TDP1: variants seen among roughly 807,000 people sequenced by gnomAD.
The protein encoded by TDP1 is tyrosyl-DNA phosphodiesterase 1, also known as tyr-DNA phosphodiesterase 1.
TDP1 carries 64 observed loss-of-function variants against 81.5 expected under a neutral mutation model. The ratio of observed to expected loss-of-function variants is 0.79; its 90% confidence interval spans 0.64 to 0.97. TDP1 has a LOEUF of 0.97. Among genes scored for constraint, TDP1 ranks in the 50% least tolerant of loss-of-function variants. The pLI is 0.00. For missense variants in TDP1, 723 were observed against 743.8 expected (o/e 0.97, Z 0.33); for synonymous variants, 256 against 264.3 (o/e 0.97, Z 0.30).
At position 89,963,261 on chromosome 14, in the gene TDP1, C is replaced by T. The variant is rs761583949; in HGVS notation, c.147C>T (p.Ser49=). Reference sequence around the variant, plus strand: ...CAAATGAGCCCAGGTACACCTGTTCCGAGGCCCAGAAAGCTGCACACAAGA... The same window carrying T: ...CAAATGAGCCCAGGTACACCTGTTCTGAGGCCCAGAAAGCTGCACACAAGA... ...GAANEPRYTC[S]EAQKAAHKRK... Residue 49 remains serine (S), a synonymous_variant, in exon 3 of 17, where the codon TCC becomes TCT. Coordinates refer to ENST00000335725, the MANE Select transcript of TDP1 (RefSeq NM_018319.4). 15 of 1,613,958 alleles carry T rather than the reference C, an allele frequency of 9.3e-6. No homozygotes were observed. Among genetic ancestry groups the T allele is most frequent in the Admixed American group, 3.3e-5 (2 of 59,986 alleles).
chr14:90,012,391 G>A (rs1425175975), intron 14 of TDP1, among the ~76,000 whole-genome samples: 1 of 151,902 alleles, frequency 6.6e-6, no homozygotes, highest in Non-Finnish European at 1.5e-5. Flanking sequence ...CACAGCTCCA[G>A]TAGGCAGTGC....
intron 6 of TDP1, among the ~76,000 whole-genome samples, chr14:89,973,762 CTT>C (rs1893925118): frequency 6.6e-6 from 1 of 152,052 alleles, no homozygotes; most frequent in Non-Finnish European, 1.5e-5. Flanking sequence ...ACCTGGGTGA[CTT>C]TTCTTGGACT....
chr14:89,978,644 A>C (rs531431460), intron 7 of TDP1, among the ~76,000 whole-genome samples: 4 of 152,244 alleles, frequency 2.6e-5, no homozygotes, highest in Admixed American at 6.5e-5. Flanking sequence ...TCTCAAGTTC[A>C]TAATTCTATT....
intron 14 of TDP1, among the ~76,000 whole-genome samples, chr14:90,015,970 A>G (rs765194597): frequency 2.6e-5 from 4 of 151,924 alleles, no homozygotes; most frequent in Non-Finnish European, 5.9e-5. Flanking sequence ...CCTTTCTTGT[A>G]TGTTTCCAAT....
intron 15 of TDP1, among the ~76,000 whole-genome samples, chr14:90,026,375 A>G (rs1886654673): frequency 6.6e-6 from 1 of 152,264 alleles, no homozygotes; most frequent in African/African-American, 2.4e-5. Context: ...TCTCGCATCC[A>G]GCGAATAAAG....
chr14:89,970,199 T>C (rs1411853104), intron 5 of TDP1, among the ~76,000 whole-genome samples: 1 of 152,240 alleles, frequency 6.6e-6, no homozygotes, highest in Non-Finnish European at 1.5e-5. Context: ...TTCTAAGGAT[T>C]ATCTTGCTTT....
At chr14:90,023,001 C>T in intron 15 of TDP1, 1 of 757,558 alleles carries the variant, frequency 1.3e-6, no homozygotes, top group Non-Finnish European at 2.4e-6. Context: ...CACTTCAGTC[C>T]CACACATACC....
chr14:90,029,340 G>A (rs1887006856), intron 15 of TDP1, among the ~76,000 whole-genome samples: 1 of 151,664 alleles, frequency 6.6e-6, no homozygotes, highest in African/African-American at 2.4e-5. Flanking sequence ...TGGGATTACA[G>A]ATGCGCACTA....
chr14:89,998,784 A>G (rs1896946818), intron 14 of TDP1, among the ~76,000 whole-genome samples: 1 of 152,014 alleles, frequency 6.6e-6, no homozygotes, highest in African/African-American at 2.4e-5. Flanking sequence ...GATTAACAGC[A>G]AAGTGAGTGT....
intron 15 of TDP1, among the ~76,000 whole-genome samples, chr14:90,022,579 C>T (rs2140280278): frequency 6.6e-6 from 1 of 152,336 alleles, no homozygotes; most frequent in South Asian, 2.1e-4. Flanking sequence ...GAGGAAGTCA[C>T]CCTAAGGGGT....
At chr14:89,975,426 G>C (rs928110349) in intron 6 of TDP1, 1 of 985,106 alleles carries the variant, frequency 1.0e-6, no homozygotes, top group Admixed American at 6.2e-5. Context: ...ATTAATTTCT[G>C]TATAAGCCAA....
intron 6 of TDP1, 74 bp from the exon 7 acceptor site, chr14:89,975,707 T>C: frequency 7.4e-7 from 1 of 1,346,430 alleles, no homozygotes; most frequent in South Asian, 1.2e-5. Context: ...ACCTGATTGC[T>C]TTCTAATGTA....
Position 89,985,163 on chromosome 14 carries a change from T to C in TDP1, c.1084T>C (p.Phe362Leu). 6.2e-7 allele frequency: 1 copy of C among 1,611,650 alleles called. No individual in the cohort carries two copies. The highest frequency in any genetic ancestry group is 8.5e-7 in the Non-Finnish European group (1 of 1,178,848). ...TCTTATTGGTTCAACCCCAGGACGC[T>C]TTCAAGGAAGTCAAAAAGATAATTG... Reference protein sequence around the residue: ...VYLIGSTPGRFQGSQKDNWGH... With the variant: ...VYLIGSTPGRLQGSQKDNWGH... Residue 362 changes from phenylalanine to leucine, a missense_variant, in exon 10 of 17, where the codon TTT becomes CTT. Phe to Leu is a conservative substitution (Grantham distance 22). Coordinates refer to ENST00000335725, the MANE Select transcript of TDP1 (RefSeq NM_018319.4).
intron 8 of TDP1, among the ~76,000 whole-genome samples, chr14:89,983,645 A>G (rs1428427959): frequency 6.6e-6 from 1 of 152,224 alleles, no homozygotes; most frequent in African/African-American, 2.4e-5. Context: ...GCAACAGCCC[A>G]GTGAGGCAGC....
intron 10 of TDP1, among the ~76,000 whole-genome samples, chr14:89,987,958 ACACCAGTTGCAAGT>A (rs1895756039): frequency 1.3e-5 from 2 of 152,154 alleles, no homozygotes; most frequent in Non-Finnish European, 2.9e-5. Flanking sequence ...TCTCCCTCAG[ACACCAGTTGCAAGT>A]CTGGGCCTCC....
intron 16 of TDP1, among the ~76,000 whole-genome samples, chr14:90,037,720 AAAAG>A (rs1481510367): frequency 3.3e-5 from 5 of 152,188 alleles, no homozygotes; most frequent in African/African-American, 7.2e-5. Flanking sequence ...ATATTTCCTA[AAAAG>A]AAAGGCATTC....
chr14:90,004,113 G>C (rs73328415), intron 14 of TDP1, among the ~76,000 whole-genome samples: 1 of 152,080 alleles, frequency 6.6e-6, no homozygotes, highest in Non-Finnish European at 1.5e-5. Flanking sequence ...TCCTTTATAC[G>C]ATAGAGATGA....
In TDP1 at chr14:89,958,463, CCTGA is replaced by C. The variant is rs1170699232; in HGVS notation, c.-8+1665_-8+1668del. The C allele has an allele frequency of 2.0e-5, 3 of 152,360 alleles. No homozygotes were observed. In the East Asian group the frequency reaches 5.8e-4, roughly 29 times the overall value. The allele number at this position is 152,360 out of a possible 1,614,324, so 9.4% of individuals were successfully genotyped here. On this transcript the variant is annotated intron_variant, in intron 2 of 16. Transcript: ENST00000335725. ...GGGACCCCAAGTGGATGGCCCCTGCCCTGACCCCAAGGTGGGCAGTTCGCTGGTG... is the reference window on the plus strand; with the variant it reads ...GGGACCCCAAGTGGATGGCCCCTGCCCCCCAAGGTGGGCAGTTCGCTGGTG...
intron 16 of TDP1, among the ~76,000 whole-genome samples, chr14:90,040,783 C>A (rs773160518): frequency 1.3e-5 from 2 of 152,216 alleles, no homozygotes; most frequent in Non-Finnish European, 2.9e-5. Flanking sequence ...AGAATCACAA[C>A]CACCTTCTTT....
Sources: gnomAD v4.1 joint callset for allele counts (sites outside exome capture counted in the v4.1 genomes callset) on GRCh38, gnomAD v4.1.1 for gene constraint, MANE v1.5 for transcripts, NCBI Gene and HGNC (gene_info 2026-07-23, HGNC 2026-07-21) for gene names.